Variants in FOXI3 observed in about 807,000 individuals in gnomAD.
The protein encoded by FOXI3 is forkhead box I3.
A neutral mutation model predicts 15.6 loss-of-function variants in FOXI3; 4 were observed. The observed-to-expected ratio is 0.26, with a 90% CI of 0.13 to 0.59. The LOEUF (loss-of-function observed/expected upper bound fraction) is 0.59, where lower values mean the gene tolerates loss of function less well. Ranked by LOEUF, FOXI3 falls within the 20% of genes least tolerant of loss-of-function variation. FOXI3 has a pLI of 0.90. For missense variants in FOXI3, 489 were observed against 548.2 expected, an observed-to-expected ratio of 0.89 and a Z score of 1.08; for synonymous variants, 238 against 244.4, an observed-to-expected ratio of 0.97 and a Z score of 0.25.
Position 88,448,406 on chromosome 2 carries a change from G to C in FOXI3, c.1064C>G (p.Pro355Arg), listed in dbSNP as rs965851622. The C allele has an allele frequency of 6.4e-7, 1 of 1,551,682 alleles. No homozygotes were observed. Among genetic ancestry groups the C allele is most frequent in the South Asian group, 1.2e-5 (1 of 84,058 alleles). ...AQLPSSGVFS[P>R]TSISEASADT... The stretch of plus-strand genomic sequence containing the variant: ...TGCTGAGGCCTCTGAGATGGAGGTC[G>C]GGGAGAACACGCCGCTGGAGGGCAG... Residue 355 changes from proline to arginine, a missense_variant, in exon 2 of 2, where the codon CCG becomes CGG. Coordinates refer to ENST00000428390, the MANE Select transcript of FOXI3 (RefSeq NM_001135649.3).
chr2:88,452,344 C>T lies in FOXI3; in HGVS notation c.192G>A (p.Pro64=), dbSNP rs2104264525. ...LWLNGPGVGG[P]PSAAAAAAAA... ...CGGCGGCTGCGGCGGCGGCGGAGGG[C>T]GGGCCTCCCACGCCGGGCCCGTTGA... Residue 64 remains proline, a synonymous_variant, in exon 1 of 2, where the codon CCG becomes CCA. Transcript: ENST00000428390. The T allele has an allele frequency of 1.0e-6, 1 of 983,648 alleles. No homozygotes were observed. The highest frequency in any genetic ancestry group is 1.2e-6 in the Non-Finnish European group (1 of 830,436). 60.9% of individuals were successfully genotyped at this position (983,648 alleles called of 1,614,324 possible). A position where few individuals can be genotyped will look rare whatever the true frequency, so the allele number is the denominator to read the frequency against.
Position 88,448,247 on chromosome 2 carries a change from A to C in FOXI3, c.1223T>G (p.Val408Gly), listed in dbSNP as rs563800210. 8 of 1,551,598 alleles carry C rather than the reference A, an allele frequency of 5.2e-6. No homozygotes were observed. In the Admixed American group the frequency reaches 7.8e-5, roughly 15 times the overall value. ...FSSPFHNFSM[V>G]NSLIYPREGS... ...CTCTCGGGGGTAGATGAGGCTGTTC[A>C]CCATGCTAAAGTTGTGGAAAGGGCT... The change falls in exon 2 of 2, where the codon GTG becomes GGG. Residue 408 changes from valine to glycine, a missense_variant. Physicochemically the swap from Val to Gly is moderately radical, Grantham distance 109. Around this residue, in one of 3 missense-constraint regions of FOXI3, gnomAD observed 263 missense variants for 285.5 expected, o/e 0.92. Coordinates refer to ENST00000428390, the MANE Select transcript of FOXI3 (RefSeq NM_001135649.3).
Position 88,448,222 on chromosome 2 carries a change from C to T in FOXI3, c.1248G>A (p.Glu416=). Residue 416 remains glutamate (E), a synonymous_variant, in exon 2 of 2, where the codon GAG becomes GAA. Coordinates refer to ENST00000428390, the MANE Select transcript of FOXI3 (RefSeq NM_001135649.3). Reference sequence around the variant, plus strand: ...AGAGTCTGCTCTACACCTCGGAGCCCTCTCGGGGGTAGATGAGGCTGTTCA... The same window carrying T: ...AGAGTCTGCTCTACACCTCGGAGCCTTCTCGGGGGTAGATGAGGCTGTTCA... ...SMVNSLIYPR[E]GSEV 1.3e-6 allele frequency: 2 copies of T among 1,551,562 alleles called. No individual in the cohort carries two copies. Among genetic ancestry groups the T allele is most frequent in the East Asian group, 2.4e-5 (1 of 40,912 alleles).
chr2:88,448,429 C>A lies in FOXI3; in HGVS notation c.1041G>T (p.Leu347=), dbSNP rs761845956. The A allele has an allele frequency of 2.4e-5, 38 of 1,551,556 alleles. No homozygotes were observed. The Admixed American group carries it at 2.6e-4, about 10-fold the overall frequency. Residue 347 remains leucine (L), a synonymous_variant, in exon 2 of 2, where the codon CTG becomes CTT. Transcript: ENST00000428390. The part of the protein sequence containing the change: ...SRHLGIQGAQ[L]PSSGVFSPTS... The stretch of plus-strand genomic sequence containing the variant: ...TCGGGGAGAACACGCCGCTGGAGGG[C>A]AGCTGGGCCCCCTGGATCCCTAGGT...
At chr2:88,451,753 G>T in intron 1 of FOXI3, 143 bp downstream of exon 1, 3 of 1,210,110 alleles carry the variant, frequency 2.5e-6, no homozygotes, top group Admixed American at 2.5e-5. Context: ...TGGGTTGGGT[G>T]GTTATTCCTC....
At position 88,452,295 on chromosome 2, in the gene FOXI3, G is replaced by C; in HGVS notation, c.241C>G (p.Pro81Ala). ...GCCGCGGCCCCGGGGGGCGGCGGCG[G>C]CGGCGGAGCGCCCAGGTACGCGGCG... ...AAAAYLGAPP[P>A]PPPPGAAAGP... The change falls in exon 1 of 2, where the codon CCG (proline) becomes GCG (alanine). Residue 81 changes from proline (P) to alanine (A), a missense_variant. By Grantham distance (27) the Pro-to-Ala change is conservative (BLOSUM62 -1). Around this residue, in one of 3 missense-constraint regions of FOXI3, gnomAD observed 224 missense variants for 245.7 expected, o/e 0.91. Transcript: ENST00000428390. 1.0e-6 allele frequency: 1 copy of C among 982,078 alleles called. No individual in the cohort carries two copies. The highest frequency in any genetic ancestry group is 1.2e-6 in the Non-Finnish European group (1 of 829,092). 60.8% of individuals were successfully genotyped at this position (982,078 alleles called of 1,614,324 possible).
intron 1 of FOXI3, 36 bp from the exon 2 acceptor site, chr2:88,448,865 C>T (rs754678456): frequency 6.6e-7 from 1 of 1,521,700 alleles, no homozygotes; most frequent in African/African-American, 1.4e-5. Flanking sequence ...AGAGAAGGAC[C>T]TATTCAATGC....
rs936203810 is a variant in FOXI3, at chr2:88,447,844, GTGT to G, written c.*360_*362del. ...TCTCACCCAGTAACTTCGTTGGCTT[GTGT>G]TTTTTTAGCCATCTGTACACACTTG... On this transcript the variant is annotated 3_prime_UTR_variant, in exon 2 of 2. Coordinates refer to ENST00000428390, the MANE Select transcript of FOXI3 (RefSeq NM_001135649.3). The G allele has an allele frequency of 8.9e-6, 2 of 223,494 alleles. No homozygotes were observed. The highest frequency in any genetic ancestry group is 1.8e-5 in the Non-Finnish European group (2 of 111,950). 13.8% of individuals were successfully genotyped at this position (223,494 alleles called of 1,614,324 possible). A position where few individuals can be genotyped will look rare whatever the true frequency, so the allele number is the denominator to read the frequency against.
intron 1 of FOXI3, among the ~76,000 whole-genome samples, chr2:88,450,156 G>GGT (rs1283704902): frequency 5.3e-5 from 4 of 76,100 alleles, no homozygotes; most frequent in African/African-American, 3.7e-4. Flanking sequence ...ATTCTTGCTG[G>GGT]GCGCTGGCTC....
At chr2:88,448,873 T>C (rs1675995811) in intron 1 of FOXI3, 44 bp from the exon 2 acceptor site, 1 of 1,511,252 alleles carries the variant, frequency 6.6e-7, no homozygotes. Flanking sequence ...ACCTATTCAA[T>C]GCCTGTGTAC....
At chr2:88,450,514 A>G (rs937734264) in intron 1 of FOXI3, among the ~76,000 whole-genome samples, 1 of 152,148 alleles carries the variant, frequency 6.6e-6, no homozygotes, top group Non-Finnish European at 1.5e-5. Context: ...AGTTATAGGG[A>G]AAAAAATTAC....
Position 88,448,375 on chromosome 2 carries a change from G to A in FOXI3, c.1095C>T (p.Thr365=). 6.4e-7 allele frequency: 1 copy of A among 1,551,684 alleles called. No homozygotes were observed. The highest frequency in any genetic ancestry group is 1.2e-5 in the South Asian group (1 of 84,046). ...PTSISEASAD[T]LQLSNSTSNS... ...TGCTGGTGCTATTGCTCAGTTGCAA[G>A]GTGTCTGCTGAGGCCTCTGAGATGG... Residue 365 remains threonine, a synonymous_variant, in exon 2 of 2, where the codon ACC becomes ACT. Coordinates refer to ENST00000428390, the MANE Select transcript of FOXI3 (RefSeq NM_001135649.3).
chr2:88,452,194 G>T lies in FOXI3; in HGVS notation c.342C>A (p.Pro114=). The T allele has an allele frequency of 8.2e-7, 1 of 1,215,124 alleles. No individual in the cohort carries two copies. Among genetic ancestry groups the T allele is most frequent in the Non-Finnish European group, 1.0e-6 (1 of 980,018 alleles). The allele number at this position is 1,215,124 out of a possible 1,614,324, so 75.3% of individuals were successfully genotyped here. A position where few individuals can be genotyped will look rare whatever the true frequency, so the allele number is the denominator to read the frequency against. ...GCGCGGCGGGCGAGGCGGGCGCGGC[G>T]GGCGCGGGCTGCGCGAAGGGCCGCT... ...CSQRPFAQPA[P]AAPASPAAPA... is the part of the protein sequence containing the mutation. Residue 114 remains proline (P), a synonymous_variant, in exon 1 of 2, where the codon CCC becomes CCA. Coordinates refer to ENST00000428390, the MANE Select transcript of FOXI3 (RefSeq NM_001135649.3).
intron 1 of FOXI3, among the ~76,000 whole-genome samples, chr2:88,450,567 A>G (rs930304714): frequency 2.0e-5 from 3 of 152,314 alleles, no homozygotes; most frequent in Middle Eastern, 6.8e-3. Context: ...CTGGATATGT[A>G]TATTGTGCCA....
chr2:88,449,403 C>T (rs1312716349), intron 1 of FOXI3, among the ~76,000 whole-genome samples: 1 of 152,138 alleles, frequency 6.6e-6, no homozygotes, highest in Admixed American at 6.5e-5. Flanking sequence ...TAATTCCCCA[C>T]CTCTGAGAAA....
chr2:88,447,004 T>C lies in FOXI3; in HGVS notation c.*1203A>G, dbSNP rs921388466. On this transcript the variant is annotated 3_prime_UTR_variant, in exon 2 of 2. Transcript: ENST00000428390. The stretch of plus-strand genomic sequence containing the variant: ...CTATCAGTCTCACCTTGGAAAGTGG[T>C]CACAACTTTTTTTTAGCCACCTGTG... The C allele has an allele frequency of 2.0e-5, 3 of 152,164 alleles. No homozygotes were observed. The highest frequency in any genetic ancestry group is 7.2e-5 in the African/African-American group (3 of 41,452). 9.4% of individuals were successfully genotyped at this position (152,164 alleles called of 1,614,324 possible). A position where few individuals can be genotyped will look rare whatever the true frequency, so the allele number is the denominator to read the frequency against.
chr2:88,449,915 G>A (rs933417271), intron 1 of FOXI3, among the ~76,000 whole-genome samples: 1 of 152,036 alleles, frequency 6.6e-6, no homozygotes, highest in African/African-American at 2.4e-5. Flanking sequence ...AGCCATGATA[G>A]TCAGGATGTA....
chr2:88,448,219 G>T lies in FOXI3; in HGVS notation c.1251C>A (p.Gly417=). The T allele has an allele frequency of 6.4e-7, 1 of 1,551,474 alleles. No homozygotes were observed. Among genetic ancestry groups the T allele is most frequent in the East Asian group, 2.4e-5 (1 of 40,906 alleles). The change falls in exon 2 of 2, where the codon GGC becomes GGA. Residue 417 remains glycine, a synonymous_variant. Transcript: ENST00000428390. ...MVNSLIYPRE[G]SEV ...CTGAGAGTCTGCTCTACACCTCGGAGCCCTCTCGGGGGTAGATGAGGCTGT... is the reference window on the plus strand; with the variant it reads ...CTGAGAGTCTGCTCTACACCTCGGATCCCTCTCGGGGGTAGATGAGGCTGT...
intron 1 of FOXI3, among the ~76,000 whole-genome samples, chr2:88,449,619 C>T (rs551336978): frequency 6.6e-6 from 1 of 152,296 alleles, no homozygotes; most frequent in African/African-American, 2.4e-5. Flanking sequence ...ACACCAGGGC[C>T]TCATTTTTCT....
Sources: gnomAD v4.1 joint callset for allele counts (sites outside exome capture counted in the v4.1 genomes callset) on GRCh38, gnomAD v4.1.1 for gene constraint, gnomAD v4.1.1 regional missense constraint, MANE v1.5 for transcripts, NCBI Gene and HGNC (gene_info 2026-07-23, HGNC 2026-07-21) for gene names.